HECW1: variants seen among roughly 807,000 people sequenced by gnomAD.
HECW1 encodes HECT, C2 and WW domain containing E3 ubiquitin protein ligase 1.
In HECW1, 61 loss-of-function variants were observed where a neutral mutation model predicts 182.3. That is an observed-to-expected ratio of 0.33 (90% CI 0.27 to 0.41). The LOEUF (loss-of-function observed/expected upper bound fraction) is 0.41, where lower values mean the gene tolerates loss of function less well. Ranked by LOEUF, HECW1 falls within the 10% of genes least tolerant of loss-of-function variation. The pLI is 1.00. For missense variants in HECW1, 1,739 were observed against 2,108.9 expected (o/e 0.82, Z 3.44); for synonymous variants, 859 against 832.6 (o/e 1.03, Z -0.55).
chr7:43,517,007 C>T (rs1389683212), intron 24 of HECW1, among the ~76,000 whole-genome samples: 1 of 152,120 alleles, frequency 6.6e-6, no homozygotes, highest in Non-Finnish European at 1.5e-5. Flanking sequence ...CTTTTGAGAC[C>T]GCCGTTGTAT....
intron 2 of HECW1, among the ~76,000 whole-genome samples, chr7:43,193,825 C>A (rs1047971082): frequency 5.3e-5 from 8 of 152,154 alleles, no homozygotes; most frequent in African/African-American, 1.9e-4. Context: ...CCTCTCCTGC[C>A]TTGCTTGTGT....
chr7:43,394,309 T>C (rs563249431), intron 6 of HECW1, among the ~76,000 whole-genome samples: 7 of 152,298 alleles, frequency 4.6e-5, no homozygotes, highest in Non-Finnish European at 7.4e-5. Flanking sequence ...TGTCAGCCAT[T>C]GATGGGAATA....
chr7:43,419,084 C>T (rs11974938), intron 8 of HECW1, among the ~76,000 whole-genome samples: 52,991 of 152,010 alleles, frequency 0.35, 9,507 homozygotes, highest in Middle Eastern at 0.47. Flanking sequence ...TTGGGCTGAG[C>T]TTCTATACAT....
At chr7:43,281,802 C>A (rs1314138655) in intron 3 of HECW1, among the ~76,000 whole-genome samples, 1 of 144,514 alleles carries the variant, frequency 6.9e-6, no homozygotes, top group Non-Finnish European at 1.5e-5. Context: ...CTCAAGTAAT[C>A]CTCCTGCCTT....
intron 2 of HECW1, among the ~76,000 whole-genome samples, chr7:43,137,577 T>G (rs1207663514): frequency 6.9e-6 from 1 of 145,420 alleles, no homozygotes; most frequent in Non-Finnish European, 1.5e-5. Context: ...TGAGACAGGG[T>G]CTTGCTCTGT....
intron 3 of HECW1, among the ~76,000 whole-genome samples, chr7:43,280,417 A>C (rs762721554): frequency 6.6e-6 from 1 of 152,202 alleles, no homozygotes; most frequent in Non-Finnish European, 1.5e-5. Flanking sequence ...GGGCGATTAA[A>C]ATGCCGAGTC....
intron 24 of HECW1, among the ~76,000 whole-genome samples, chr7:43,532,634 G>A (rs2081037000): frequency 6.6e-6 from 1 of 152,006 alleles, no homozygotes; most frequent in South Asian, 2.1e-4. Flanking sequence ...CCCCTAAGCT[G>A]TCCCCCAGCT....
intron 6 of HECW1, among the ~76,000 whole-genome samples, chr7:43,394,581 G>A (rs1305360451): frequency 6.6e-6 from 1 of 152,158 alleles, no homozygotes; most frequent in Admixed American, 6.5e-5. Flanking sequence ...GAACAAAGGA[G>A]GAGTCTAAGG....
In HECW1 at chr7:43,243,575, C is replaced by T. The variant is rs143460916; in HGVS notation, c.-31-300C>T. Among the ~76,000 whole-genome samples the T allele has an allele frequency of 1.1e-3, 168 of 150,300 alleles. 1 individual carries two copies. The highest frequency in any genetic ancestry group is 3.9e-3 in the African/African-American group (159 of 40,580). On this transcript the variant is annotated intron_variant, in intron 2 of 29. Transcript: ENST00000395891. This position sits in a 1 kb window ranked among gnomAD's most constrained non-coding sequence, Gnocchi z 4.0. ...TTCTCTTTCCCCACAAACACCCACA[C>T]CAGATCCTTGTTTCTTGAAAAAGAA...
intron 2 of HECW1, among the ~76,000 whole-genome samples, chr7:43,175,247 A>C (rs780836990): frequency 2.0e-5 from 3 of 152,050 alleles, no homozygotes; most frequent in Non-Finnish European, 4.4e-5. Context: ...TCCCTCGCAC[A>C]CTTACCATTT....
intron 22 of HECW1, 47 bp downstream of exon 22, chr7:43,507,304 A>C (rs755783099): frequency 6.3e-7 from 1 of 1,591,256 alleles, no homozygotes; most frequent in East Asian, 2.3e-5. Flanking sequence ...TAGATTTTTC[A>C]ATCCCTTTCT....
At chr7:43,325,754 T>C (rs1810678259) in intron 5 of HECW1, among the ~76,000 whole-genome samples, 1 of 152,116 alleles carries the variant, frequency 6.6e-6, no homozygotes, top group South Asian at 2.1e-4. Context: ...TCATCCCGGA[T>C]CCCACCTCAC....
chr7:43,409,528 C>G (rs2075728112), intron 8 of HECW1, among the ~76,000 whole-genome samples: 1 of 152,190 alleles, frequency 6.6e-6, no homozygotes, highest in African/African-American at 2.4e-5. Flanking sequence ...AAAACGTCAA[C>G]TAGAATTCAC....
intron 2 of HECW1, among the ~76,000 whole-genome samples, chr7:43,200,216 A>G (rs1258990661): frequency 6.6e-6 from 1 of 152,206 alleles, no homozygotes; most frequent in South Asian, 2.1e-4. Flanking sequence ...GCTTTCCTGA[A>G]TGGCATTAGT....
intron 3 of HECW1, among the ~76,000 whole-genome samples, chr7:43,310,698 G>C (rs1286570376): frequency 6.6e-6 from 1 of 152,228 alleles, no homozygotes; most frequent in Non-Finnish European, 1.5e-5. Flanking sequence ...TGAAAGAGTA[G>C]ACTATTGCTG....
chr7:43,551,471 T>C (rs529230612), intron 27 of HECW1, among the ~76,000 whole-genome samples: 18 of 152,306 alleles, frequency 1.2e-4, no homozygotes, highest in Non-Finnish European at 2.2e-4. Flanking sequence ...AGGAAATAAG[T>C]CATAATTGCA....
chr7:43,125,757 TAAAAAAAAAAAA>T (rs57874835), intron 2 of HECW1, among the ~76,000 whole-genome samples: 4,497 of 86,676 alleles, frequency 0.052, 298 homozygotes, highest in African/African-American at 0.19. Context: ...GATTCTGTCT[TAAAAAAAAAAAA>T]AAAAAAAAAA....
intron 2 of HECW1, among the ~76,000 whole-genome samples, chr7:43,122,809 A>G (rs1255341393): frequency 6.6e-6 from 1 of 152,242 alleles, no homozygotes; most frequent in Admixed American, 6.5e-5. Flanking sequence ...TAAGTCCTAT[A>G]TATCTATACA....
In HECW1 at chr7:43,445,229, C is replaced by G. The variant is rs769914359; in HGVS notation, c.2057C>G (p.Ser686Trp). The change falls in exon 11 of 30, where the codon TCG becomes TGG. Residue 686 changes from serine (S) to tryptophan (W), a missense_variant. Transcript: ENST00000395891. ...SCCSPSCYSSSCYSTSCYSSS... is the reference protein window; with the variant it reads ...SCCSPSCYSSWCYSTSCYSSS... ...TGCAGCCCCTCGTGCTACAGCTCCT[C>G]GTGCTACAGCACGTCCTGCTACAGC... is the stretch of plus-strand genomic sequence containing the variant. The G allele has an allele frequency of 1.2e-6, 2 of 1,613,080 alleles. No individual in the cohort carries two copies. Among genetic ancestry groups the G allele is most frequent in the Non-Finnish European group, 1.7e-6 (2 of 1,179,640 alleles).
Sources: allele counts gnomAD v4.1 joint callset (sites outside exome capture counted in the v4.1 genomes callset), GRCh38; gene constraint gnomAD v4.1.1; non-coding constraint Gnocchi (gnomAD v3.1); transcripts MANE v1.5; gene names NCBI Gene and HGNC (gene_info 2026-07-23, HGNC 2026-07-21).